The following MYO6 variants were observed in gnomAD, a reference collection of about 807,000 sequenced individuals.
MYO6 encodes the protein unconventional myosin-VI.
A neutral mutation model predicts 178.7 loss-of-function variants in MYO6; 74 were observed. The ratio of observed to expected loss-of-function variants is 0.41; its 90% confidence interval spans 0.34 to 0.50. MYO6 has a LOEUF of 0.50. Among genes scored for constraint, MYO6 ranks in the 20% least tolerant of loss-of-function variants. MYO6 has a pLI of 0.09. For missense variants in MYO6, 1,330 were observed against 1,547.4 expected, an observed-to-expected ratio of 0.86 and a Z score of 2.36; for synonymous variants, 477 against 504.6, an observed-to-expected ratio of 0.95 and a Z score of 0.73.
chr6:75,906,344 C>T (rs931107753), intron 30 of MYO6, among the ~76,000 whole-genome samples: 4 of 152,082 alleles, frequency 2.6e-5, no homozygotes, highest in Admixed American at 6.5e-5. Flanking sequence ...AGAAATTGTT[C>T]CCATATTTTC....
intron 1 of MYO6, among the ~76,000 whole-genome samples, chr6:75,784,776 C>CAAAAAAAAAAAAAAA (rs754218278): frequency 1.8e-5 from 1 of 54,406 alleles, no homozygotes; most frequent in African/African-American, 6.4e-5. Context: ...GACTCCGTCT[C>CAAAAAAAAAAAAAAA]AAAAAAAAAA....
In MYO6 at chr6:75,915,323, T is replaced by C. The variant is rs886061765; in HGVS notation, c.*311T>C. 23 of 389,782 alleles carry C rather than the reference T, an allele frequency of 5.9e-5. No homozygotes were observed. Among genetic ancestry groups the C allele is most frequent in the Non-Finnish European group, 9.6e-5 (20 of 208,304 alleles). 24.1% of individuals were successfully genotyped at this position (389,782 alleles called of 1,614,324 possible). A position where few individuals can be genotyped will look rare whatever the true frequency, so the allele number is the denominator to read the frequency against. On this transcript the variant is annotated 3_prime_UTR_variant, in exon 35 of 35. Coordinates refer to ENST00000369977, the MANE Select transcript of MYO6 (RefSeq NM_004999.4). ...TACCTTACATCCATCGTAATTGTTC[T>C]CTAGGAAAAGAGAACTTTTTTCAAA...
chr6:75,822,827 A>T lies in MYO6; in HGVS notation c.163A>T (p.Ser55Cys). 6.2e-7 allele frequency: 1 copy of T among 1,613,450 alleles called. No homozygotes were observed. Among genetic ancestry groups the T allele is most frequent in the South Asian group, 1.1e-5 (1 of 91,074 alleles). The change falls in exon 3 of 35, where the codon AGT becomes TGT. Residue 55 changes from serine to cysteine, a missense_variant. This residue lies in a region of MYO6 where 116 missense variants were observed against 104.6 expected (regional missense o/e 1.11). Coordinates refer to ENST00000369977, the MANE Select transcript of MYO6 (RefSeq NM_004999.4). ...CCAAGTGTTTCCTGCAGAAGAGGAC[A>T]GTAAAAAAGATGTGGAAGATAACTG... is the stretch of plus-strand genomic sequence containing the variant. The part of the protein sequence containing the change: ...INQVFPAEED[S>C]KKDVEDNCSL...
rs1276828992 is a variant in MYO6 at position 75,870,666 on chromosome 6, T to G, written c.1964T>G (p.Leu655Arg). 6.2e-7 allele frequency: 1 copy of G among 1,612,520 alleles called. No homozygotes were observed. Among genetic ancestry groups the G allele is most frequent in the Non-Finnish European group, 8.5e-7 (1 of 1,179,354 alleles). Residue 655 changes from leucine to arginine, a missense_variant, in exon 19 of 35, where the codon CTG (leucine) becomes CGG (arginine). Around this residue, in one of 3 missense-constraint regions of MYO6, gnomAD observed 613 missense variants for 816.8 expected, o/e 0.75. Transcript: ENST00000369977. Reference sequence around the variant, plus strand: ...TCACAGACACAGTTAAATTTGCTTCTGGATAAACTTCGAAGTACTGTGAGT... The same window carrying G: ...TCACAGACACAGTTAAATTTGCTTCGGGATAAACTTCGAAGTACTGTGAGT... The part of the protein sequence containing the change: ...NKFKTQLNLL[L>R]DKLRSTGASF...
chr6:75,763,370 GTGATA>G (rs2149994884), intron 1 of MYO6, among the ~76,000 whole-genome samples: 1 of 152,214 alleles, frequency 6.6e-6, no homozygotes, highest in African/African-American at 2.4e-5. Flanking sequence ...AAGGGTCCCA[GTGATA>G]ATTTCTTTTG....
chr6:75,861,837 G>A (rs1055236961), intron 15 of MYO6, among the ~76,000 whole-genome samples: 3 of 152,018 alleles, frequency 2.0e-5, no homozygotes, highest in Non-Finnish European at 4.4e-5. Flanking sequence ...TTAACACACG[G>A]ACCCTTTCTA....
At chr6:75,813,473 G>A (rs889700168) in intron 1 of MYO6, among the ~76,000 whole-genome samples, 1 of 152,176 alleles carries the variant, frequency 6.6e-6, no homozygotes, top group African/African-American at 2.4e-5. Context: ...TGCCATCCAA[G>A]AGTCAAGGCC....
At chr6:75,880,940 T>C (rs1456884825) in intron 22 of MYO6, among the ~76,000 whole-genome samples, 1 of 152,166 alleles carries the variant, frequency 6.6e-6, no homozygotes, top group Non-Finnish European at 1.5e-5. Flanking sequence ...GTAGCAAAAA[T>C]TTCTCATCTC....
At chr6:75,841,467 T>C in intron 9 of MYO6, 89 bp downstream of exon 9, 1 of 1,305,820 alleles carries the variant, frequency 7.7e-7, no homozygotes, top group South Asian at 1.2e-5. Context: ...GGCGGATGGA[T>C]TGCTTGAGCC....
At chr6:75,850,590 C>G (rs2150286881) in intron 11 of MYO6, among the ~76,000 whole-genome samples, 1 of 152,286 alleles carries the variant, frequency 6.6e-6, no homozygotes, top group East Asian at 1.9e-4. Context: ...ATCTAATGTT[C>G]TGTAATGCTG....
chr6:75,835,594 G>C (rs927325383), intron 6 of MYO6, among the ~76,000 whole-genome samples: 1 of 152,054 alleles, frequency 6.6e-6, no homozygotes, highest in Admixed American at 6.5e-5. Flanking sequence ...AGCATGCCTG[G>C]CTAATTTTTT....
At chr6:75,895,102 C>T in intron 28 of MYO6, 129 bp from the exon 29 acceptor site, 1 of 698,912 alleles carries the variant, frequency 1.4e-6, no homozygotes, top group Non-Finnish European at 2.4e-6. Flanking sequence ...TGAGTGATCT[C>T]ATGTTGATTA....
intron 10 of MYO6, among the ~76,000 whole-genome samples, chr6:75,846,705 C>T (rs1354298131): frequency 6.6e-6 from 1 of 151,922 alleles, no homozygotes; most frequent in African/African-American, 2.4e-5. Context: ...GAGACCTTTC[C>T]TAGTGGGACA....
chr6:75,858,795 TA>T (rs1298746308), intron 13 of MYO6, 106 bp from the exon 14 acceptor site: 1 of 712,680 alleles, frequency 1.4e-6, no homozygotes, highest in Non-Finnish European at 2.4e-6. Context: ...TATACAAATT[TA>T]ACCTAATTTT....
At chr6:75,773,183 A>G (rs1766052156) in intron 1 of MYO6, among the ~76,000 whole-genome samples, 1 of 152,196 alleles carries the variant, frequency 6.6e-6, no homozygotes, top group South Asian at 2.1e-4. Flanking sequence ...GGCTGTTTAC[A>G]TGTGAGGATA....
At chr6:75,873,587 A>AAAAGT (rs1260948851) in intron 20 of MYO6, among the ~76,000 whole-genome samples, 1 of 152,122 alleles carries the variant, frequency 6.6e-6, no homozygotes, top group East Asian at 1.9e-4. Flanking sequence ...AAAAGAAAAG[A>AAAAGT]AAAGCATAGA....
chr6:75,904,775 C>A (rs1355222313), intron 30 of MYO6, among the ~76,000 whole-genome samples: 4 of 152,178 alleles, frequency 2.6e-5, no homozygotes, highest in Non-Finnish European at 5.9e-5. Flanking sequence ...TGGTGAGGAA[C>A]TGTGTTCCTT....
At chr6:75,883,429 A>G (rs916407128) in intron 23 of MYO6, among the ~76,000 whole-genome samples, 1 of 152,114 alleles carries the variant, frequency 6.6e-6, no homozygotes, top group African/African-American at 2.4e-5. Context: ...GTTCTTGGAG[A>G]ATATGTTCAT....
intron 30 of MYO6, among the ~76,000 whole-genome samples, chr6:75,905,264 C>T (rs1416259800): frequency 2.6e-5 from 4 of 152,222 alleles, no homozygotes; most frequent in Admixed American, 6.5e-5. Flanking sequence ...TTGGAGCTTC[C>T]CGGCTGCTTT....
Sources: allele counts gnomAD v4.1 joint callset (sites outside exome capture counted in the v4.1 genomes callset), GRCh38; gene constraint gnomAD v4.1.1; regional missense constraint gnomAD v4.1.1; transcripts MANE v1.5; gene names NCBI Gene and HGNC (gene_info 2026-07-23, HGNC 2026-07-21).